The following EEF2 variants were observed in gnomAD, a reference collection of about 807,000 sequenced individuals.
EEF2 encodes the protein elongation factor 2.
In EEF2, 21 loss-of-function variants were observed where a neutral mutation model predicts 85.3. The ratio of observed to expected loss-of-function variants is 0.25; its 90% CI spans 0.17 to 0.35. The LOEUF (loss-of-function observed/expected upper bound fraction) is 0.35. EEF2 is among the 10% of genes least tolerant of loss of function. The pLI is 1.00. For missense variants in EEF2, 825 were observed against 1,225.3 expected, an observed-to-expected ratio of 0.67 and a Z score of 4.88; for synonymous variants, 723 against 508.8, an observed-to-expected ratio of 1.42 and a Z score of -5.67.
Position 3,980,509 on chromosome 19 carries a change from C to T in EEF2, c.1346+5G>A, listed in dbSNP as rs975005773. ...AAGGGGCCTGCACATCACCCAGCTGCTCACCTCTGGATTGGCTTCAGGTAG... is the reference window on the plus strand; with the variant it reads ...AAGGGGCCTGCACATCACCCAGCTGTTCACCTCTGGATTGGCTTCAGGTAG... On this transcript the variant is annotated splice_donor_5th_base_variant and intron_variant, in intron 9 of 14. Coordinates refer to ENST00000309311, the MANE Select transcript of EEF2 (RefSeq NM_001961.4). The T allele has an allele frequency of 3.1e-6, 5 of 1,609,556 alleles. No homozygotes were observed. Among genetic ancestry groups the T allele is most frequent in the Middle Eastern group, 1.7e-4 (1 of 6,026 alleles).
At position 3,977,603 on chromosome 19, in the gene EEF2, AGT is replaced by A; in HGVS notation, c.2073_2074del (p.Leu692ValfsTer2). On this transcript the variant is annotated frameshift_variant, in exon 13 of 15. Transcript: ENST00000309311. LOFTEE classifies it high-confidence loss of function. This position sits in a 1 kb window ranked among gnomAD's most constrained non-coding sequence, Gnocchi z 5.4. ...CACACCCCGCATGTTCTCCTCACAC[AGT>A]GCGCCCTGGGGGAGGGGGAGAGCCA... 6.6e-7 allele frequency: 1 copy of A among 1,521,648 alleles called. No individual in the cohort carries two copies. Among genetic ancestry groups the A allele is most frequent in the Non-Finnish European group, 8.8e-7 (1 of 1,138,698 alleles). 94.3% of individuals were successfully genotyped at this position (1,521,648 alleles called of 1,614,324 possible).
At chr19:3,985,283 T>G in intron 1 of EEF2, 95 bp downstream of exon 1, 1 of 1,290,736 alleles carries the variant, frequency 7.7e-7, no homozygotes, top group South Asian at 2.1e-5. Flanking sequence ...CGTCTCCTCC[T>G]GGCACGGGGG....
At position 3,982,861 on chromosome 19, in the gene EEF2, G is replaced by A. The variant is rs755524712; in HGVS notation, c.558C>T (p.Asn186=). ...CCTCGCCGTAGGTGGAGATGATGAC[G>A]TTCACGTTCTCCACGATGCGCTGGA... ...QTFQRIVENV[N]VIISTYGEGE... is the part of the protein sequence containing the mutation. Residue 186 remains asparagine, a synonymous_variant, in exon 4 of 15, where the codon AAC becomes AAT. Coordinates refer to ENST00000309311, the MANE Select transcript of EEF2 (RefSeq NM_001961.4). The A allele has an allele frequency of 3.8e-5, 61 of 1,613,630 alleles. No homozygotes were observed. The highest frequency in any genetic ancestry group is 5.1e-5 in the Non-Finnish European group (60 of 1,179,972).
At position 3,977,803 on chromosome 19, in the gene EEF2, C is replaced by T. The variant is rs761397803; in HGVS notation, c.2067+16G>A. On this transcript the variant is annotated intron_variant, in intron 12 of 14. Transcript: ENST00000309311. The surrounding 1 kb of genome is among the most constrained non-coding windows in gnomAD (Gnocchi z 5.4). ...TGGAAACGGGTGTGGTCTGCACATG[C>T]TGAGCCGTGCCTCACCTCCTTGGTG... is the stretch of plus-strand genomic sequence containing the variant. The T allele has an allele frequency of 2.6e-6, 4 of 1,566,070 alleles. No homozygotes were observed. The highest frequency in any genetic ancestry group is 3.5e-6 in the Non-Finnish European group (4 of 1,151,282).
chr19:3,982,697 C>T (rs577440067), intron 4 of EEF2, 110 bp downstream of exon 4: 1 of 1,289,134 alleles, frequency 7.8e-7, no homozygotes, highest in East Asian at 2.5e-5. Flanking sequence ...TGTCACCCAA[C>T]ATTCCTGGCA....
chr19:3,981,816 G>A, intron 6 of EEF2, 131 bp downstream of exon 6: 4 of 814,940 alleles, frequency 4.9e-6, no homozygotes, highest in South Asian at 3.2e-5. Flanking sequence ...GTTAGGAGCT[G>A]TGCCTCCTCC....
chr19:3,979,286 G>A, intron 11 of EEF2, 43 bp downstream of exon 11: 3 of 1,520,614 alleles, frequency 2.0e-6, no homozygotes, highest in South Asian at 1.1e-5. Flanking sequence ...GAGGGCAGGT[G>A]TCCGGGGTGG....
rs770430829 is a variant in EEF2 at position 3,980,801 on chromosome 19, T to G, written c.1150+40A>C. 1.5e-5 allele frequency: 23 copies of G among 1,585,008 alleles called. No homozygotes were observed. In the Middle Eastern group the frequency reaches 1.2e-3, roughly 80 times the overall value. On this transcript the variant is annotated intron_variant, in intron 8 of 14. Transcript: ENST00000309311. ...CACAACCTTGGGCAACAGGAAGTCA[T>G]CCGGCTGCATCTCAGGGCCCGGCCA...
rs374586030 is a variant in EEF2, at chr19:3,984,482, C to A, written c.4-132G>T. Reference sequence around the variant, plus strand: ...TGGTGCTGGGGTGCCCCAAGCCCACCGAATCTTGCCAGCCTAACACCCCTT... The same window carrying A: ...TGGTGCTGGGGTGCCCCAAGCCCACAGAATCTTGCCAGCCTAACACCCCTT... On this transcript the variant is annotated intron_variant, in intron 1 of 14. Transcript: ENST00000309311. 55 of 922,176 alleles carry A rather than the reference C, an allele frequency of 6.0e-5. No homozygotes were observed. In the African/African-American group the frequency reaches 7.0e-4, roughly 12 times the overall value. The allele number at this position is 922,176 out of a possible 1,614,324, so 57.1% of individuals were successfully genotyped here.
intron 9 of EEF2, 75 bp downstream of exon 9, chr19:3,980,439 T>A: frequency 6.6e-7 from 1 of 1,511,806 alleles, no homozygotes. Context: ...AGCTCCCGAC[T>A]GAGGAGCCCA....
intron 6 of EEF2, among the ~76,000 whole-genome samples, 183 bp from the exon 7 acceptor site, chr19:3,981,635 T>C (rs1041882505): frequency 1.3e-5 from 2 of 152,184 alleles, no homozygotes; most frequent in African/African-American, 2.4e-5. Flanking sequence ...GGAAACCTCG[T>C]GGTGGAGCAG....
At position 3,980,572 on chromosome 19, in the gene EEF2, T is replaced by C. The variant is rs1415190605; in HGVS notation, c.1288A>G (p.Met430Val). Residue 430 changes from methionine (M) to valine (V), a missense_variant, in exon 9 of 15, where the codon ATG becomes GTG. Met to Val is a conservative substitution (Grantham distance 21, BLOSUM62 1). Coordinates refer to ENST00000309311, the MANE Select transcript of EEF2 (RefSeq NM_001961.4). ...LVSTGLKVRIMGPNYTPGKKE... is the reference protein window; with the variant it reads ...LVSTGLKVRIVGPNYTPGKKE... ...TTCCCAGGGGTATAGTTGGGCCCCA[T>C]GATCCTGACCTTCAGGCCAGTGGAG... 6.2e-7 allele frequency: 1 copy of C among 1,614,232 alleles called. No homozygotes were observed. The highest frequency in any genetic ancestry group is 1.3e-5 in the African/African-American group (1 of 75,074).
intron 10 of EEF2, 105 bp downstream of exon 10, chr19:3,979,703 A>T (rs1208087562): frequency 1.3e-6 from 2 of 1,495,162 alleles, no homozygotes; most frequent in African/African-American, 1.4e-5. Context: ...TTTCATGACC[A>T]GTCACCCCAA....
rs2039694987 is a variant in EEF2 at position 3,977,699 on chromosome 19, G to C, written c.2068-89C>G. On this transcript the variant is annotated intron_variant, in intron 12 of 14. Coordinates refer to ENST00000309311, the MANE Select transcript of EEF2 (RefSeq NM_001961.4). This position sits in a 1 kb window ranked among gnomAD's most constrained non-coding sequence, Gnocchi z 5.4. ...CCAAGTCCTGCAGGTCTCCACCAGGGGGACCTGGGGCCTTGCCCGCCTTGG... is the reference window on the plus strand; with the variant it reads ...CCAAGTCCTGCAGGTCTCCACCAGGCGGACCTGGGGCCTTGCCCGCCTTGG... 1 of 1,479,168 alleles carries C rather than the reference G, an allele frequency of 6.8e-7. No homozygotes were observed. The highest frequency in any genetic ancestry group is 1.4e-5 in the South Asian group (1 of 72,688). 91.6% of individuals were successfully genotyped at this position (1,479,168 alleles called of 1,614,324 possible). A position where few individuals can be genotyped will look rare whatever the true frequency, so the allele number is the denominator to read the frequency against.
At chr19:3,981,196 A>G (rs1324234132) in intron 7 of EEF2, 143 bp downstream of exon 7, 4 of 1,047,040 alleles carry the variant, frequency 3.8e-6, no homozygotes, top group East Asian at 5.0e-5. Flanking sequence ...ATGTGTCTCC[A>G]GCAGCACCCA....
intron 14 of EEF2, 68 bp from the exon 15 acceptor site, chr19:3,976,815 AG>A: frequency 6.9e-7 from 1 of 1,440,478 alleles, no homozygotes. Context: ...AAGTCCTGTC[AG>A]GAGCTCAGGC....
At chr19:3,981,811 G>T (rs1268018520) in intron 6 of EEF2, 136 bp downstream of exon 6, 1 of 790,436 alleles carries the variant, frequency 1.3e-6, no homozygotes, top group African/African-American at 1.7e-5. Flanking sequence ...CCTCAGTTAG[G>T]AGCTGTGCCT....
Position 3,976,152 on chromosome 19 carries a change from C to T in EEF2, c.*402G>A, listed in dbSNP as rs2039677052. On this transcript the variant is annotated 3_prime_UTR_variant, in exon 15 of 15. Coordinates refer to ENST00000309311, the MANE Select transcript of EEF2 (RefSeq NM_001961.4). The stretch of plus-strand genomic sequence containing the variant: ...GGACTTCCTGCCTGCTAGAAATCAT[C>T]TACCCGCGTGTTCCTTTCCCCTTTC... The T allele has an allele frequency of 4.4e-6, 1 of 225,974 alleles. No homozygotes were observed. The highest frequency in any genetic ancestry group is 8.9e-6 in the Non-Finnish European group (1 of 112,418). 14.0% of individuals were successfully genotyped at this position (225,974 alleles called of 1,614,324 possible). A position where few individuals can be genotyped will look rare whatever the true frequency, so the allele number is the denominator to read the frequency against.
rs781709871 is a variant in EEF2 at position 3,980,793 on chromosome 19, G to A, written c.1150+48C>T. ...CTGCAACCCACAACCTTGGGCAACA[G>A]GAAGTCATCCGGCTGCATCTCAGGG... is the stretch of plus-strand genomic sequence containing the variant. On this transcript the variant is annotated intron_variant, in intron 8 of 14. Transcript: ENST00000309311. 10 of 1,589,478 alleles carry A rather than the reference G, an allele frequency of 6.3e-6. No homozygotes were observed. In the East Asian group the frequency reaches 1.8e-4, roughly 29 times the overall value.
Sources: gnomAD v4.1 joint callset for allele counts (sites outside exome capture counted in the v4.1 genomes callset) on GRCh38, gnomAD v4.1.1 for gene constraint, Gnocchi (gnomAD v3.1) non-coding constraint, MANE v1.5 for transcripts, NCBI Gene and HGNC (gene_info 2026-07-23, HGNC 2026-07-21) for gene names.